Variants in CDH4 observed in about 807,000 individuals in gnomAD.
The protein encoded by CDH4 is cadherin 4, also known as cadherin-4.
Under a neutral mutation model 86.0 loss-of-function variants are expected in CDH4, and 33 were observed. The observed-to-expected ratio is 0.38, with a 90% confidence interval of 0.29 to 0.51. CDH4 has a LOEUF of 0.51. Ranked by LOEUF, CDH4 falls within the 20% of genes least tolerant of loss-of-function variation. The pLI, the probability that CDH4 is intolerant of heterozygous loss-of-function variation, is 0.86. For missense variants in CDH4, 1,114 were observed against 1,307.4 expected (o/e 0.85, Z 2.28); for synonymous variants, 555 against 549.4 (o/e 1.01, Z -0.14).
intron 2 of CDH4, among the ~76,000 whole-genome samples, chr20:61,540,012 C>T (rs1358604597): frequency 6.6e-6 from 1 of 152,200 alleles, no homozygotes; most frequent in Non-Finnish European, 1.5e-5. Flanking sequence ...TTCAGAGCAG[C>T]CTCACCTGGG....
At chr20:61,928,849 C>T (rs1211748227) in intron 12 of CDH4, among the ~76,000 whole-genome samples, 3 of 152,194 alleles carry the variant, frequency 2.0e-5, no homozygotes, top group East Asian at 1.9e-4. Flanking sequence ...CTACTTCCAT[C>T]GGGAGAGTGC....
rs1240889536 is a variant in CDH4, at chr20:61,663,614, G to C, written c.170-79949G>C. Among the ~76,000 whole-genome samples the C allele has an allele frequency of 6.6e-6, 1 of 152,172 alleles. No individual in the cohort carries two copies. The highest frequency in any genetic ancestry group is 1.5e-5 in the Non-Finnish European group (1 of 68,026). The stretch of plus-strand genomic sequence containing the variant: ...CTGCTGGGACGGCAGGACCGGGTGT[G>C]TGTGTCCAAGAGACCATCTTGGCTG... On this transcript the variant is annotated intron_variant, in intron 2 of 15. Transcript: ENST00000614565. This position sits in a 1 kb window ranked among gnomAD's most constrained non-coding sequence, Gnocchi z 5.0.
At chr20:61,302,180 C>A (rs919793564) in intron 2 of CDH4, among the ~76,000 whole-genome samples, 1 of 152,156 alleles carries the variant, frequency 6.6e-6, no homozygotes, top group Non-Finnish European at 1.5e-5. Flanking sequence ...GGGCGGTGAC[C>A]TGCAGCTCAT....
At chr20:61,559,335 T>G (rs183489336) in intron 2 of CDH4, among the ~76,000 whole-genome samples, 234 of 151,814 alleles carry the variant, frequency 1.5e-3, no homozygotes, top group Middle Eastern at 6.8e-3. Context: ...AGAAAAAAAT[T>G]TTTAAAAAGT....
intron 8 of CDH4, among the ~76,000 whole-genome samples, chr20:61,899,032 C>T (rs544985505): frequency 1.1e-4 from 17 of 152,248 alleles, no homozygotes; most frequent in Admixed American, 3.3e-4. Context: ...CGCAGTGGCC[C>T]AAGCCTGTAA....
At chr20:61,254,069 C>T (rs1345705360) in intron 1 of CDH4, among the ~76,000 whole-genome samples, 2 of 152,240 alleles carry the variant, frequency 1.3e-5, no homozygotes, top group Non-Finnish European at 2.9e-5. Flanking sequence ...GGCCCTGTGC[C>T]ATGGGCTCTA....
In CDH4 at chr20:61,518,198, C is replaced by T. The variant is rs538547732; in HGVS notation, c.170-225365C>T. Among the ~76,000 whole-genome samples, 10 of 152,298 alleles carry T rather than the reference C, an allele frequency of 6.6e-5. No homozygotes were observed. The highest frequency in any genetic ancestry group is 2.1e-4 in the South Asian group (1 of 4,828). On this transcript the variant is annotated intron_variant, in intron 2 of 15. Coordinates refer to ENST00000614565, the MANE Select transcript of CDH4 (RefSeq NM_001794.5). The surrounding 1 kb of genome is among the most constrained non-coding windows in gnomAD (Gnocchi z 6.3). ...GTTTATTCTGCCATCATCCCTTTAT[C>T]GAACACCACCAGTTCCTAGGACGAG... is the stretch of plus-strand genomic sequence containing the variant.
chr20:61,493,652 T>C (rs2427137), intron 2 of CDH4, among the ~76,000 whole-genome samples: 58,879 of 152,092 alleles, frequency 0.39, 13,139 homozygotes, highest in Admixed American at 0.5. Flanking sequence ...CAGGGTAGAT[T>C]CCCACTCCAT....
At chr20:61,647,207 G>A (rs2087070380) in intron 2 of CDH4, among the ~76,000 whole-genome samples, 1 of 152,170 alleles carries the variant, frequency 6.6e-6, no homozygotes, top group African/African-American at 2.4e-5. Context: ...CAGCAGCTCA[G>A]CCTTGGGTAG....
At chr20:61,657,139 G>A (rs2087200908) in intron 2 of CDH4, among the ~76,000 whole-genome samples, 1 of 152,230 alleles carries the variant, frequency 6.6e-6, no homozygotes, top group Non-Finnish European at 1.5e-5. Flanking sequence ...TCCACCCAGA[G>A]GGATCATCCC....
intron 2 of CDH4, among the ~76,000 whole-genome samples, chr20:61,578,341 T>A (rs891481733): frequency 1.3e-5 from 2 of 152,188 alleles, no homozygotes; most frequent in Non-Finnish European, 2.9e-5. Context: ...GGTCTTTAAT[T>A]TTTTGCTTTT....
chr20:61,492,217 ATAT>A (rs1337621460), intron 2 of CDH4, among the ~76,000 whole-genome samples: 8 of 140,786 alleles, frequency 5.7e-5, no homozygotes, highest in African/African-American at 1.1e-4. Flanking sequence ...GGTGGTGTTG[ATAT>A]TGTTGATATT....
At chr20:61,677,814 A>AAATG in intron 2 of CDH4, among the ~76,000 whole-genome samples, 1 of 64,414 alleles carries the variant, frequency 1.6e-5, no homozygotes, top group African/African-American at 6.1e-5. Context: ...GATGGAAGAT[A>AAATG]GATGGATAGT....
chr20:61,571,316 G>T (rs1251101825), intron 2 of CDH4, among the ~76,000 whole-genome samples: 1 of 152,160 alleles, frequency 6.6e-6, no homozygotes, highest in Non-Finnish European at 1.5e-5. Flanking sequence ...ACTCAGGTGC[G>T]TGGCTGATGT....
At chr20:61,658,831 C>T (rs542765914) in intron 2 of CDH4, among the ~76,000 whole-genome samples, 19 of 152,196 alleles carry the variant, frequency 1.2e-4, no homozygotes, top group African/African-American at 2.4e-4. Flanking sequence ...TGGGTGAGGC[C>T]GAGGGAGGAG....
At chr20:61,342,907 C>T (rs2084656533) in intron 2 of CDH4, among the ~76,000 whole-genome samples, 1 of 146,910 alleles carries the variant, frequency 6.8e-6, no homozygotes, top group Non-Finnish European at 1.5e-5. Context: ...GGTGGCATCT[C>T]AAATGAACAT....
At chr20:61,802,990 A>C (rs907987970) in intron 4 of CDH4, among the ~76,000 whole-genome samples, 1 of 152,156 alleles carries the variant, frequency 6.6e-6, no homozygotes, top group African/African-American at 2.4e-5. Context: ...GAGGCAGAGG[A>C]GGCGGCGTGT....
At chr20:61,798,133 C>T (rs573302369) in intron 4 of CDH4, among the ~76,000 whole-genome samples, 3 of 152,298 alleles carry the variant, frequency 2.0e-5, no homozygotes, top group East Asian at 3.9e-4. Flanking sequence ...CGTCAGTCAC[C>T]GCCCTCTCAC....
At chr20:61,908,938 C>T (rs962717876) in intron 8 of CDH4, among the ~76,000 whole-genome samples, 7 of 152,200 alleles carry the variant, frequency 4.6e-5, no homozygotes, top group African/African-American at 1.2e-4. Context: ...AGGGCTTCTC[C>T]GTGACTCCTG....
Sources: gnomAD v4.1 joint callset for allele counts (sites outside exome capture counted in the v4.1 genomes callset) on GRCh38, gnomAD v4.1.1 for gene constraint, Gnocchi (gnomAD v3.1) non-coding constraint, MANE v1.5 for transcripts, NCBI Gene and HGNC (gene_info 2026-07-23, HGNC 2026-07-21) for gene names.